CLIP4: variants seen among roughly 807,000 people sequenced by gnomAD.
CLIP4 encodes CAP-Gly domain-containing linker protein 4.
A neutral mutation model predicts 73.1 loss-of-function variants in CLIP4; 47 were observed. The observed-to-expected ratio is 0.64, with a 90% CI of 0.51 to 0.82. The LOEUF is 0.82. Ranked by LOEUF, CLIP4 falls within the 40% of genes least tolerant of loss-of-function variation. CLIP4 has a pLI of 0.00. For synonymous variants in CLIP4, 306 were observed against 295.4 expected, an observed-to-expected ratio of 1.04 and a Z score of -0.37; for missense variants, 874 against 852.9, an observed-to-expected ratio of 1.02 and a Z score of -0.31.
At chr2:29,174,480 A>T in intron 15 of CLIP4, 35 bp downstream of exon 15, 1 of 1,599,006 alleles carries the variant, frequency 6.3e-7, no homozygotes. Flanking sequence ...AACACCTTTC[A>T]AGATGAACAT....
At chr2:29,099,827 A>G (rs371264844) in intron 1 of CLIP4, among the ~76,000 whole-genome samples, 9 of 152,366 alleles carry the variant, frequency 5.9e-5, no homozygotes, top group African/African-American at 1.2e-4. Context: ...ATCCACAAAC[A>G]TGAAATATCT....
chr2:29,104,304 G>A (rs914833070), intron 1 of CLIP4, among the ~76,000 whole-genome samples: 1 of 151,218 alleles, frequency 6.6e-6, no homozygotes, highest in African/African-American at 2.4e-5. Context: ...TTTTGAGACA[G>A]GGTCTCTGTC....
At chr2:29,105,279 T>G (rs185946157) in intron 1 of CLIP4, among the ~76,000 whole-genome samples, 85 of 152,358 alleles carry the variant, frequency 5.6e-4, no homozygotes, top group Middle Eastern at 3.4e-3. Flanking sequence ...TCATTTGCTA[T>G]TTTAAAGAAA....
intron 6 of CLIP4, among the ~76,000 whole-genome samples, chr2:29,136,739 G>C (rs990272536): frequency 5.8e-4 from 88 of 152,240 alleles, no homozygotes; most frequent in African/African-American, 2.0e-3. Context: ...GGCAGAGAGA[G>C]TAGCGTGCAA....
chr2:29,130,510 GT>G, intron 2 of CLIP4: 1 of 410,484 alleles, frequency 2.4e-6, no homozygotes, highest in Non-Finnish European at 3.7e-6. Flanking sequence ...TTCATGTGCA[GT>G]TTAAGTAGGT....
intron 1 of CLIP4, among the ~76,000 whole-genome samples, chr2:29,099,038 C>T (rs1667960845): frequency 6.6e-6 from 1 of 152,194 alleles, no homozygotes; most frequent in South Asian, 2.1e-4. Context: ...AGATCTTTTG[C>T]CCATTTAAAC....
rs756220997 is a variant in CLIP4 at position 29,131,402 on chromosome 2, G to A, written c.273+5G>A. 1.9e-6 allele frequency: 3 copies of A among 1,585,854 alleles called. No individual in the cohort carries two copies. The highest frequency in any genetic ancestry group is 2.7e-5 in the African/African-American group (2 of 73,128). On this transcript the variant is annotated splice_donor_5th_base_variant and intron_variant, in intron 3 of 15. Coordinates refer to ENST00000320081, the MANE Select transcript of CLIP4 (RefSeq NM_024692.6). Reference sequence around the variant, plus strand: ...ATTGACATTATTGGAAATGAGGTAAGGAATTCTTACATTTTAAGTTTTGCA... The same window carrying A: ...ATTGACATTATTGGAAATGAGGTAAAGAATTCTTACATTTTAAGTTTTGCA...
chr2:29,129,483 T>C (rs1664827199), intron 2 of CLIP4, among the ~76,000 whole-genome samples: 2 of 152,008 alleles, frequency 1.3e-5, no homozygotes, highest in South Asian at 2.1e-4. Flanking sequence ...AGAGATCTTA[T>C]AGCTTTCATT....
chr2:29,108,006 T>A lies in CLIP4; in HGVS notation c.-16+10059T>A, dbSNP rs530864929. 3.8e-3 allele frequency among the ~76,000 whole-genome samples: 583 copies of A among 151,912 alleles called. 7 individuals carry two copies. The highest frequency in any genetic ancestry group is 0.013 in the African/African-American group (534 of 41,440). On this transcript the variant is annotated intron_variant, in intron 1 of 14. Transcript: ENST00000401605. ...CCTCTTGGAGTTTCTTTTTTTTTTTTAAAGCTTTCTATTATGGAAAACATT... is the reference window on the plus strand; with the variant it reads ...CCTCTTGGAGTTTCTTTTTTTTTTTAAAAGCTTTCTATTATGGAAAACATT...
chr2:29,130,560 G>C, intron 2 of CLIP4: 1 of 990,834 alleles, frequency 1.0e-6, no homozygotes, highest in Non-Finnish European at 1.3e-6. Context: ...TCCTGAGCTG[G>C]GGGTGGGACT....
chr2:29,116,893 G>C (rs1663892244), intron 1 of CLIP4, among the ~76,000 whole-genome samples: 1 of 152,184 alleles, frequency 6.6e-6, no homozygotes, highest in African/African-American at 2.4e-5. Flanking sequence ...TTTTAAAAAA[G>C]TGACCTATGT....
intron 8 of CLIP4, among the ~76,000 whole-genome samples, chr2:29,149,105 T>C (rs1666367451): frequency 6.6e-6 from 1 of 152,236 alleles, no homozygotes; most frequent in African/African-American, 2.4e-5. Flanking sequence ...TTGTACCTGC[T>C]ACTCAGCTTT....
At chr2:29,163,615 G>C (rs1471371599) in intron 12 of CLIP4, among the ~76,000 whole-genome samples, 1 of 152,052 alleles carries the variant, frequency 6.6e-6, no homozygotes, top group African/African-American at 2.4e-5. Flanking sequence ...TTAATGTACT[G>C]CTCTGCAATT....
intron 11 of CLIP4, among the ~76,000 whole-genome samples, chr2:29,159,669 A>G (rs1337259602): frequency 6.9e-6 from 1 of 145,434 alleles, no homozygotes; most frequent in Non-Finnish European, 1.5e-5. Flanking sequence ...CAACACAGCA[A>G]GACCCTGTTT....
chr2:29,117,302 T>C (rs2197620), intron 1 of CLIP4, among the ~76,000 whole-genome samples: 1 of 151,258 alleles, frequency 6.6e-6, no homozygotes, highest in East Asian at 1.9e-4. Flanking sequence ...AATTTTAATA[T>C]TTTTTTTCTT....
intron 3 of CLIP4, chr2:29,131,944 T>C: frequency 2.1e-6 from 1 of 487,082 alleles, no homozygotes; most frequent in Non-Finnish European, 3.6e-6. Context: ...TTTAAGAATT[T>C]CCTTCAGCCT....
chr2:29,142,679 T>C (rs1477554600), intron 6 of CLIP4, among the ~76,000 whole-genome samples: 1 of 152,212 alleles, frequency 6.6e-6, no homozygotes, highest in East Asian at 1.9e-4. Flanking sequence ...AATTGCAAAC[T>C]AAGTGTGTTC....
intron 13 of CLIP4, 54 bp from the exon 14 acceptor site, chr2:29,167,422 C>T: frequency 3.0e-6 from 4 of 1,349,456 alleles, no homozygotes; most frequent in Non-Finnish European, 4.1e-6. Context: ...GATAACCAGT[C>T]TTAAACCTGA....
At chr2:29,122,923 C>A (rs1664366238) in intron 2 of CLIP4, among the ~76,000 whole-genome samples, 1 of 150,106 alleles carries the variant, frequency 6.7e-6, no homozygotes, top group South Asian at 2.1e-4. Context: ...CCTGTGTAGA[C>A]ATCATATTTT....
Sources: gnomAD v4.1 joint callset for allele counts (sites outside exome capture counted in the v4.1 genomes callset) on GRCh38, gnomAD v4.1.1 for gene constraint, MANE v1.5 for transcripts, NCBI Gene and HGNC (gene_info 2026-07-23, HGNC 2026-07-21) for gene names.